Variants in INSL6 observed in about 807,000 individuals in gnomAD.
INSL6 encodes the protein insulin like 6.
A neutral mutation model predicts 9.4 loss-of-function variants in INSL6; 16 were observed. The observed-to-expected ratio is 1.70, with a 90% CI of 1.15 to 2.59. The LOEUF (loss-of-function observed/expected upper bound fraction) is 2.59, where lower values mean the gene tolerates loss of function less well. Among genes scored for constraint, INSL6 ranks in the 30% most tolerant of loss-of-function variants. The pLI is 0.00. For missense variants in INSL6, 391 were observed against 257.3 expected (o/e 1.52, Z -3.56); for synonymous variants, 154 against 96.9 (o/e 1.59, Z -3.46).
intron 2 of INSL6, among the ~76,000 whole-genome samples, chr9:5,157,395 A>G (rs941045630): frequency 2.6e-5 from 4 of 152,180 alleles, no homozygotes; most frequent in African/African-American, 9.6e-5. Flanking sequence ...TGGCATAATG[A>G]TTAATGGAAA....
the INSL6 span, among the ~76,000 whole-genome samples, chr9:5,068,562 G>A: frequency 3.3e-5 from 5 of 152,156 alleles, no homozygotes; most frequent in Admixed American, 1.3e-4. Context: ...AAGATAGCAT[G>A]AAGAATTATC....
chr9:4,997,786 ATAGT>A, the INSL6 span, among the ~76,000 whole-genome samples: 1 of 152,234 alleles, frequency 6.6e-6, no homozygotes, highest in Non-Finnish European at 1.5e-5. Flanking sequence ...ATAGTGCATG[ATAGT>A]ATAAGTCTAT....
At chr9:5,104,874 A>C in the INSL6 span, among the ~76,000 whole-genome samples, 5 of 152,216 alleles carry the variant, frequency 3.3e-5, no homozygotes, top group African/African-American at 1.2e-4. Flanking sequence ...CATGCCAAAA[A>C]CTCTCAATAA....
chr9:5,066,564 A>G, the INSL6 span: 3 of 652,464 alleles, frequency 4.6e-6, no homozygotes, highest in Admixed American at 7.3e-5. Flanking sequence ...CATATAAAGT[A>G]GAGGAGACAA....
chr9:5,175,339 C>T (rs1825274489), intron 1 of INSL6, among the ~76,000 whole-genome samples: 2 of 152,116 alleles, frequency 1.3e-5, no homozygotes, highest in Non-Finnish European at 2.9e-5. Flanking sequence ...TTCTATCATC[C>T]TCATCTAAGA....
chr9:5,122,278 G>T (rs572512365), downstream of INSL6, among the ~76,000 whole-genome samples: 1 of 152,090 alleles, frequency 6.6e-6, no homozygotes, highest in Non-Finnish European at 1.5e-5. Flanking sequence ...AGGCCAAAAC[G>T]TTCCCTTGGA....
At chr9:5,050,751 T>C in the INSL6 span, 142 of 1,613,454 alleles carry the variant, frequency 8.8e-5, no homozygotes, top group Non-Finnish European at 1.2e-4. Flanking sequence ...AGGAAGAATG[T>C]CTTGGGATGG....
At chr9:5,108,541 T>C in the INSL6 span, 3 of 151,994 alleles carry the variant, frequency 2.0e-5, no homozygotes, top group Non-Finnish European at 4.4e-5. Flanking sequence ...ATAGTAAAAA[T>C]AACTCTATTC....
chr9:5,138,144 T>G (rs1824422312), intron 2 of INSL6, among the ~76,000 whole-genome samples: 1 of 152,138 alleles, frequency 6.6e-6, no homozygotes, highest in Non-Finnish European at 1.5e-5. Context: ...GGAGTGTAAA[T>G]TAGTTCAACC....
the INSL6 span, among the ~76,000 whole-genome samples, chr9:5,092,077 TAC>T: frequency 5.9e-5 from 9 of 152,120 alleles, no homozygotes; most frequent in Admixed American, 3.3e-4. Context: ...GTTGTCCTAT[TAC>T]AGCACCTAAG....
At chr9:5,050,391 C>T in the INSL6 span, among the ~76,000 whole-genome samples, 1 of 152,178 alleles carries the variant, frequency 6.6e-6, no homozygotes, top group South Asian at 2.1e-4. Context: ...CTACCTCAGC[C>T]CCCCAAGTAG....
the INSL6 span, among the ~76,000 whole-genome samples, chr9:5,008,470 AG>A: frequency 5.9e-5 from 9 of 152,216 alleles, no homozygotes; most frequent in African/African-American, 1.9e-4. Flanking sequence ...AGTATGAGAT[AG>A]TTGTCTTGGA....
Position 5,131,141 on chromosome 9 carries a change from A to G in INSL6, c.*10+2284T>C, listed in dbSNP as rs140718550. The stretch of plus-strand genomic sequence containing the variant: ...CAAAGATACTAAAGCAAATGGAAAG[A>G]TAAACCTAACAAGGCACTCAATAAT... On this transcript the variant is annotated intron_variant, in intron 3 of 3. Transcript: ENST00000649639. Among the ~76,000 whole-genome samples, 160 of 152,358 alleles carry G rather than the reference A, an allele frequency of 1.1e-3. 1 individual carries two copies. Among genetic ancestry groups the G allele is most frequent in the African/African-American group, 3.6e-3 (150 of 41,588 alleles).
chr9:5,063,412 T>A, the INSL6 span, among the ~76,000 whole-genome samples: 1 of 152,210 alleles, frequency 6.6e-6, no homozygotes, highest in African/African-American at 2.4e-5. Context: ...TAGTGTGGAC[T>A]GGAAGTTTTC....
the INSL6 span, chr9:5,044,278 A>G: frequency 3.1e-6 from 2 of 648,972 alleles, no homozygotes; most frequent in Non-Finnish European, 2.7e-6. Flanking sequence ...TATATTTAAT[A>G]CTGTTAGCTG....
chr9:5,050,393 C>A, the INSL6 span, among the ~76,000 whole-genome samples: 1 of 152,090 alleles, frequency 6.6e-6, no homozygotes, highest in African/African-American at 2.4e-5. Flanking sequence ...ACCTCAGCCC[C>A]CCAAGTAGCT....
chr9:5,030,003 C>G, the INSL6 span: 3 of 1,012,444 alleles, frequency 3.0e-6, no homozygotes, highest in African/African-American at 1.6e-5. Flanking sequence ...ATACCAGATA[C>G]CTGAACCAAT....
At chr9:5,037,694 C>T in the INSL6 span, among the ~76,000 whole-genome samples, 51,038 of 151,762 alleles carry the variant, frequency 0.34, 9,148 homozygotes, top group African/African-American at 0.47. Flanking sequence ...CATCACATAC[C>T]GGGGCCTGTT....
At chr9:5,116,337 T>A in the INSL6 span, among the ~76,000 whole-genome samples, 2 of 152,210 alleles carry the variant, frequency 1.3e-5, no homozygotes, top group African/African-American at 4.8e-5. Context: ...GTTCTCTAAT[T>A]TGGGTAGGTT....
Sources: gnomAD v4.1 joint callset for allele counts (sites outside exome capture counted in the v4.1 genomes callset) on GRCh38, gnomAD v4.1.1 for gene constraint, MANE v1.5 for transcripts, NCBI Gene and HGNC (gene_info 2026-07-23, HGNC 2026-07-21) for gene names.